The following HDAC8 variants were observed in gnomAD, a reference collection of about 807,000 sequenced individuals.
HDAC8 encodes histone deacetylase 8.
HDAC8 carries 1 observed loss-of-function variant against 32.2 expected under a neutral mutation model. The ratio of observed to expected loss-of-function variants is 0.03; its 90% CI spans 0.01 to 0.15. HDAC8 has a LOEUF of 0.15. Ranked by LOEUF, HDAC8 falls within the 10% of genes least tolerant of loss-of-function variation. HDAC8 has a pLI of 1.00. For missense variants in HDAC8, 117 were observed against 300.0 expected, an observed-to-expected ratio of 0.39 and a Z score of 4.51; for synonymous variants, 108 against 113.9, an observed-to-expected ratio of 0.95 and a Z score of 0.33.
chrX:72,542,177 C>T (rs1195654175), intron 4 of HDAC8, among the ~76,000 whole-genome samples: 3 of 112,221 alleles, frequency 2.7e-5, no homozygotes, highest in African/African-American at 9.7e-5. Context: ...CATACTTTCC[C>T]AATCTCTACT....
intron 8 of HDAC8, among the ~76,000 whole-genome samples, chrX:72,462,899 T>G (rs2047904518): frequency 8.9e-6 from 1 of 112,048 alleles, no homozygotes. Context: ...CTATTTTAGA[T>G]AGGGTGACCA....
intron 4 of HDAC8, among the ~76,000 whole-genome samples, chrX:72,500,768 G>A (rs1200546243): frequency 9.0e-6 from 1 of 111,628 alleles, no homozygotes; most frequent in Non-Finnish European, 1.9e-5. Context: ...TGGAAGTCCC[G>A]GTCAGAGCAA....
At chrX:72,428,155 G>A (rs1352461929) in intron 9 of HDAC8, among the ~76,000 whole-genome samples, 4 of 111,551 alleles carry the variant, frequency 3.6e-5, no homozygotes, top group Admixed American at 9.4e-5. Flanking sequence ...GTGCAGTGGC[G>A]CAATCTCCGC....
At chrX:72,434,376 C>T (rs1384521099) in intron 9 of HDAC8, among the ~76,000 whole-genome samples, 2 of 111,833 alleles carry the variant, frequency 1.8e-5, no homozygotes, top group Admixed American at 9.5e-5. Flanking sequence ...TAAAGAGTTC[C>T]TAAATCCTAC....
intron 9 of HDAC8, among the ~76,000 whole-genome samples, chrX:72,439,241 T>C (rs1555980657): frequency 1.8e-5 from 2 of 111,258 alleles, no homozygotes; most frequent in Non-Finnish European, 3.8e-5. Flanking sequence ...AGAAATAAAA[T>C]CCCTTATGGA....
chrX:72,518,522 CTAT>C (rs1394771356), intron 4 of HDAC8, among the ~76,000 whole-genome samples: 1 of 111,450 alleles, frequency 9.0e-6, no homozygotes, highest in East Asian at 2.8e-4. Context: ...ACAGCTTTCC[CTAT>C]TATTAACATT....
intron 9 of HDAC8, among the ~76,000 whole-genome samples, chrX:72,461,304 G>T (rs1157151822): frequency 2.7e-5 from 3 of 111,775 alleles, no homozygotes; most frequent in African/African-American, 9.8e-5. Context: ...AGGAACAAAG[G>T]TATGCCTTTG....
At chrX:72,383,066 A>G (rs2045311013) in intron 9 of HDAC8, among the ~76,000 whole-genome samples, 2 of 112,125 alleles carry the variant, frequency 1.8e-5, no homozygotes, top group Non-Finnish European at 3.8e-5. Context: ...CTATAGGATC[A>G]GAAGGGTCTA....
intron 9 of HDAC8, among the ~76,000 whole-genome samples, chrX:72,441,056 C>G (rs1555981570): frequency 8.8e-6 from 1 of 113,087 alleles, no homozygotes. Flanking sequence ...TGGAGCCCAC[C>G]ACAGCTCAAG....
At chrX:72,353,207 C>G (rs782247784) in intron 9 of HDAC8, among the ~76,000 whole-genome samples, 1 of 112,259 alleles carries the variant, frequency 8.9e-6, no homozygotes, top group South Asian at 3.8e-4. Context: ...GGAACAATCT[C>G]TAGGGATTCT....
chrX:72,433,271 C>G (rs1177685148), intron 9 of HDAC8, among the ~76,000 whole-genome samples: 1 of 110,946 alleles, frequency 9.0e-6, no homozygotes. Context: ...CGCATAGAGG[C>G]CAAGGATGCT....
At chrX:72,426,025 C>G (rs2046629546) in intron 9 of HDAC8, among the ~76,000 whole-genome samples, 1 of 112,051 alleles carries the variant, frequency 8.9e-6, no homozygotes, top group African/African-American at 3.2e-5. Context: ...ACAGATCCCT[C>G]TCAAGGTCCA....
chrX:72,341,348 T>C (rs149220524), intron 10 of HDAC8, among the ~76,000 whole-genome samples: 4 of 111,800 alleles, frequency 3.6e-5, no homozygotes, highest in African/African-American at 1.3e-4. Context: ...CTCAGCAGTA[T>C]TGTGAGAGCA....
chrX:72,472,585 G>A (rs1391202848), intron 7 of HDAC8, among the ~76,000 whole-genome samples: 2 of 111,771 alleles, frequency 1.8e-5, no homozygotes, highest in Non-Finnish European at 3.8e-5. Context: ...TTTGTTGTAA[G>A]TTTTAAAGTT....
chrX:72,352,027 A>G (rs1421754137), intron 9 of HDAC8, among the ~76,000 whole-genome samples, 189 bp from the exon 10 acceptor site: 10 of 111,781 alleles, frequency 8.9e-5, no homozygotes, highest in East Asian at 5.7e-4. Flanking sequence ...CAGACCTTCA[A>G]TGATATTCCC....
At chrX:72,440,158 G>A (rs1019868212) in intron 9 of HDAC8, among the ~76,000 whole-genome samples, 11 of 111,985 alleles carry the variant, frequency 9.8e-5, no homozygotes, top group Non-Finnish European at 2.1e-4. Context: ...TTACAACTCA[G>A]GATTAAGAAA....
At chrX:72,361,820 A>G (rs1027211105) in intron 9 of HDAC8, among the ~76,000 whole-genome samples, 1 of 111,617 alleles carries the variant, frequency 9.0e-6, no homozygotes, top group East Asian at 2.8e-4. Flanking sequence ...AATAAATCCA[A>G]GCTAAAGTAT....
intron 9 of HDAC8, among the ~76,000 whole-genome samples, chrX:72,396,764 G>A (rs1771755623): frequency 1.8e-5 from 2 of 110,701 alleles, no homozygotes; most frequent in Non-Finnish European, 3.8e-5. Context: ...TACTTGGGAG[G>A]TTGAGGTAGG....
chrX:72,502,746 C>A (rs1556016866), intron 4 of HDAC8, among the ~76,000 whole-genome samples: 20 of 109,703 alleles, frequency 1.8e-4, no homozygotes, highest in Non-Finnish European at 3.8e-5. Context: ...CACAGTGAAA[C>A]CCCGTCTCTA....
Sources: allele counts gnomAD v4.1 joint callset (sites outside exome capture counted in the v4.1 genomes callset), GRCh38; gene constraint gnomAD v4.1.1; transcripts MANE v1.5; gene names NCBI Gene and HGNC (gene_info 2026-07-23, HGNC 2026-07-21).